The following HS3ST5 variants were observed in gnomAD, a reference collection of about 807,000 sequenced individuals.
HS3ST5 encodes heparan sulfate glucosamine 3-O-sulfotransferase 5.
In HS3ST5, 10 loss-of-function variants were observed where a neutral mutation model predicts 25.4. The ratio of observed to expected loss-of-function variants is 0.39; its 90% CI spans 0.24 to 0.67. The LOEUF (loss-of-function observed/expected upper bound fraction) is 0.67, where lower values mean the gene tolerates loss of function less well. Among genes scored for constraint, HS3ST5 ranks in the 30% least tolerant of loss-of-function variants. The pLI is 0.44. For missense variants in HS3ST5, 324 were observed against 420.7 expected (o/e 0.77, Z 2.01); for synonymous variants, 170 against 162.4 (o/e 1.05, Z -0.36).
At chr6:114,113,785 G>T (rs1164996981) in intron 3 of HS3ST5, among the ~76,000 whole-genome samples, 1 of 151,720 alleles carries the variant, frequency 6.6e-6, no homozygotes, top group Non-Finnish European at 1.5e-5. Context: ...TAACACTCCA[G>T]AGTTAACTTG....
chr6:114,320,254 C>A (rs1775910952), intron 1 of HS3ST5, among the ~76,000 whole-genome samples: 1 of 152,060 alleles, frequency 6.6e-6, no homozygotes, highest in Admixed American at 6.6e-5. Flanking sequence ...ACCAAAGTTA[C>A]AAAGTTTAAG....
At position 114,202,238 on chromosome 6, in the gene HS3ST5, A is replaced by G. The variant is rs147447086; in HGVS notation, c.-145+26347T>C. 2.0e-3 allele frequency among the ~76,000 whole-genome samples: 299 copies of G among 152,328 alleles called. 6 individuals carry two copies. Among genetic ancestry groups the G allele is most frequent in the East Asian group, 0.014 (74 of 5,182 alleles). On this transcript the variant is annotated intron_variant, in intron 2 of 4. Coordinates refer to ENST00000312719, the MANE Select transcript of HS3ST5 (RefSeq NM_153612.4). ...CGTTTGACACTAGCCTGGGCAACAC[A>G]GCCAAGACCTCGTCTCTATAAAAAA... is the stretch of plus-strand genomic sequence containing the variant.
intron 1 of HS3ST5, among the ~76,000 whole-genome samples, chr6:114,274,068 T>C (rs1221490799): frequency 1.3e-5 from 2 of 151,842 alleles, no homozygotes; most frequent in Non-Finnish European, 2.9e-5. Context: ...CATGGGTAAG[T>C]ACAAGGGAAT....
At chr6:114,168,208 A>T (rs1779307440) in intron 3 of HS3ST5, 143 bp downstream of exon 3, 2 of 152,234 alleles carry the variant, frequency 1.3e-5, no homozygotes, top group Admixed American at 6.5e-5. Context: ...AGCTCAAGAG[A>T]GGAGAAAGAC....
At chr6:114,239,631 A>T (rs1562248901) in intron 1 of HS3ST5, among the ~76,000 whole-genome samples, 1 of 152,152 alleles carries the variant, frequency 6.6e-6, no homozygotes, top group Non-Finnish European at 1.5e-5. Context: ...ACTTAACTCT[A>T]GCCTCGTTTT....
chr6:114,183,751 C>T (rs1780073940), intron 2 of HS3ST5, among the ~76,000 whole-genome samples: 1 of 152,038 alleles, frequency 6.6e-6, no homozygotes, highest in Middle Eastern at 3.4e-3. Context: ...GATGAGTGCT[C>T]AGGAAGGAAA....
rs191173374 is a variant in HS3ST5 at position 114,242,620 on chromosome 6, G to A, written c.-338-13842C>T. 4.0e-5 allele frequency among the ~76,000 whole-genome samples: 6 copies of A among 151,528 alleles called. No homozygotes were observed. The South Asian group carries it at 8.3e-4, about 21-fold the overall frequency. On this transcript the variant is annotated intron_variant, in intron 1 of 4. Transcript: ENST00000312719. ...AATAAGAAGGTGGGATGTCTAGGCC[G>A]AGGCGGGTGGATCATGAGGTCAGGA...
intron 1 of HS3ST5, among the ~76,000 whole-genome samples, chr6:114,294,377 A>C (rs1774719067): frequency 6.6e-6 from 1 of 151,518 alleles, no homozygotes; most frequent in Admixed American, 6.6e-5. Context: ...AACTTGGATT[A>C]GATGGTTTTT....
intron 3 of HS3ST5, among the ~76,000 whole-genome samples, chr6:114,085,971 ACTT>A (rs1292927640): frequency 1.5e-5 from 2 of 136,982 alleles, no homozygotes; most frequent in African/African-American, 5.3e-5. Flanking sequence ...TAGAGGAAAA[ACTT>A]CTATATCTGT....
At chr6:114,247,878 T>G (rs558230836) in intron 1 of HS3ST5, among the ~76,000 whole-genome samples, 1 of 151,798 alleles carries the variant, frequency 6.6e-6, no homozygotes, top group Non-Finnish European at 1.5e-5. Context: ...TAATGAAATT[T>G]AAAAGCCTAA....
intron 3 of HS3ST5, among the ~76,000 whole-genome samples, chr6:114,089,470 T>C (rs551609819): frequency 6.6e-6 from 1 of 152,310 alleles, no homozygotes; most frequent in South Asian, 2.1e-4. Flanking sequence ...CCTGGTCCCT[T>C]TCATACATTT....
chr6:114,311,690 G>A (rs1005952411), intron 1 of HS3ST5, among the ~76,000 whole-genome samples: 37 of 151,402 alleles, frequency 2.4e-4, no homozygotes, highest in African/African-American at 7.3e-4. Context: ...CTACAGGCAC[G>A]CAACACCACA....
At chr6:114,184,362 C>G (rs572652403) in intron 2 of HS3ST5, among the ~76,000 whole-genome samples, 1 of 152,158 alleles carries the variant, frequency 6.6e-6, no homozygotes, top group East Asian at 1.9e-4. Flanking sequence ...AATGAGAAAC[C>G]ATGTTCAGAA....
At chr6:114,071,305 G>A (rs949461216) in intron 3 of HS3ST5, among the ~76,000 whole-genome samples, 9 of 152,174 alleles carry the variant, frequency 5.9e-5, no homozygotes, top group African/African-American at 1.2e-4. Flanking sequence ...TGCTAGACAC[G>A]TAGATGGATG....
chr6:114,279,665 G>A (rs1355071266), intron 1 of HS3ST5, among the ~76,000 whole-genome samples: 4 of 151,972 alleles, frequency 2.6e-5, no homozygotes, highest in East Asian at 1.9e-4. Context: ...ACATGGCCCC[G>A]GTATGGCTGG....
At chr6:114,133,018 C>T (rs1475613011) in intron 3 of HS3ST5, among the ~76,000 whole-genome samples, 2 of 152,180 alleles carry the variant, frequency 1.3e-5, no homozygotes, top group Non-Finnish European at 2.9e-5. Flanking sequence ...TCCCCCACTC[C>T]AAACCCTTCC....
Position 114,137,849 on chromosome 6 carries a change from A to T in HS3ST5, c.-33+30502T>A, listed in dbSNP as rs183189704. 2.2e-3 allele frequency among the ~76,000 whole-genome samples: 336 copies of T among 152,236 alleles called. 2 individuals are homozygous for T. Among genetic ancestry groups the T allele is most frequent in the African/African-American group, 7.5e-3 (312 of 41,530 alleles). ...ACGCTGTGCCTTGTTGGTGGCACTG[A>T]TGACTAATTGGTGGCACTGATTGTT... On this transcript the variant is annotated intron_variant, in intron 3 of 4. Coordinates refer to ENST00000312719, the MANE Select transcript of HS3ST5 (RefSeq NM_153612.4).
intron 2 of HS3ST5, among the ~76,000 whole-genome samples, chr6:114,175,385 A>T (rs1442877030): frequency 6.6e-6 from 1 of 152,238 alleles, no homozygotes; most frequent in Non-Finnish European, 1.5e-5. Context: ...GCAGCTGTAG[A>T]TAACTAAATT....
At chr6:114,184,054 CTTTTTTTTT>C (rs34370810) in intron 2 of HS3ST5, among the ~76,000 whole-genome samples, 113 of 78,748 alleles carry the variant, frequency 1.4e-3, no homozygotes, top group African/African-American at 5.1e-3. Context: ...TTTTTCCTTT[CTTTTTTTTT>C]TTTTTTTTTT....
Sources: gnomAD v4.1 joint callset for allele counts (sites outside exome capture counted in the v4.1 genomes callset) on GRCh38, gnomAD v4.1.1 for gene constraint, MANE v1.5 for transcripts, NCBI Gene and HGNC (gene_info 2026-07-23, HGNC 2026-07-21) for gene names.